Variants in LMLN observed in about 807,000 individuals in gnomAD.
LMLN encodes the protein leishmanolysin like peptidase.
Under a neutral mutation model 92.3 loss-of-function variants are expected in LMLN, and 70 were observed. That is an observed-to-expected ratio of 0.76 (90% CI 0.63 to 0.92). The LOEUF is 0.92. Among genes scored for constraint, LMLN ranks in the 40% least tolerant of loss-of-function variants. LMLN has a pLI of 0.00. For missense variants in LMLN, 691 were observed against 814.6 expected (o/e 0.85, Z 1.85); for synonymous variants, 308 against 296.2 (o/e 1.04, Z -0.41).
rs1178237170 is a variant in LMLN at position 197,960,501 on chromosome 3, G to T, written c.219+61G>T. The T allele has an allele frequency of 7.5e-6, 11 of 1,467,674 alleles. No homozygotes were observed. In the East Asian group the frequency reaches 2.3e-4, roughly 30 times the overall value. 90.9% of individuals were successfully genotyped at this position (1,467,674 alleles called of 1,614,324 possible). A position where few individuals can be genotyped will look rare whatever the true frequency, so the allele number is the denominator to read the frequency against. On this transcript the variant is annotated intron_variant, in intron 1 of 15. Transcript: ENST00000330198. ...GTAAAGTCACCCAGAAGGAGCAGGC[G>T]TAGGAGATAGTGACTGGGAGAAGGT...
At chr3:198,041,420 A>G (rs1036589347) in exon 16 of LMLN, 2 of 152,236 alleles carry the variant, frequency 1.3e-5, no homozygotes, top group Non-Finnish European at 2.9e-5. Flanking sequence ...TGCACAAACT[A>G]CTAAAAATAT....
At chr3:197,996,307 A>G (rs972695031) in intron 10 of LMLN, 25 bp downstream of exon 10, 15 of 1,341,944 alleles carry the variant, frequency 1.1e-5, no homozygotes, top group Non-Finnish European at 1.6e-5. Context: ...AAATTTTCCT[A>G]GACTTTATTT....
intron 14 of LMLN, among the ~76,000 whole-genome samples, chr3:198,033,438 A>G (rs1723129064): frequency 6.8e-6 from 1 of 147,646 alleles, no homozygotes. Context: ...TTTTTTTGAG[A>G]TGGAGTCTCA....
In LMLN at chr3:198,011,444, G is replaced by A. The variant is rs560731485; in HGVS notation, c.1233-7809G>A. Among the ~76,000 whole-genome samples the A allele has an allele frequency of 4.6e-5, 7 of 152,156 alleles. No individual in the cohort carries two copies. In the South Asian group the frequency reaches 1.5e-3, roughly 32 times the overall value. On this transcript the variant is annotated intron_variant, in intron 11 of 15. Coordinates refer to ENST00000330198, the Ensembl canonical transcript of LMLN. ...CAGCTTCATCCATGTCCCTACAAAGGACATGAACTCATCCTTTTTTATGGC... is the reference window on the plus strand; with the variant it reads ...CAGCTTCATCCATGTCCCTACAAAGAACATGAACTCATCCTTTTTTATGGC...
intron 11 of LMLN, among the ~76,000 whole-genome samples, chr3:198,017,119 A>G (rs1722660814): frequency 6.6e-6 from 1 of 152,120 alleles, no homozygotes; most frequent in African/African-American, 2.4e-5. Flanking sequence ...CCTGTCTCAA[A>G]AACAAAAAAT....
intron 1 of LMLN, among the ~76,000 whole-genome samples, chr3:197,970,727 C>T (rs192707225): frequency 2.0e-4 from 31 of 152,296 alleles, no homozygotes; most frequent in African/African-American, 7.5e-4. Context: ...TTTTAAATTA[C>T]ACTTCTAGAT....
intron 5 of LMLN, among the ~76,000 whole-genome samples, chr3:197,978,772 C>T (rs1016158865): frequency 1.3e-5 from 2 of 152,138 alleles, no homozygotes; most frequent in African/African-American, 4.8e-5. Flanking sequence ...GGGCGGATCA[C>T]CTGAGGTCAG....
exon 16 of LMLN, chr3:198,038,859 CT>C (rs200063860): frequency 1.5e-4 from 76 of 492,532 alleles, no homozygotes; most frequent in Admixed American, 4.0e-4. Flanking sequence ...ACCCAACCAC[CT>C]TCATCAGCAA....
intron 11 of LMLN, among the ~76,000 whole-genome samples, chr3:198,017,552 C>T (rs1722673996): frequency 6.6e-6 from 1 of 152,190 alleles, no homozygotes; most frequent in South Asian, 2.1e-4. Context: ...TAGAGCTATA[C>T]TGTCTAATAT....
intron 11 of LMLN, among the ~76,000 whole-genome samples, chr3:198,005,404 T>C (rs1257953739): frequency 6.6e-6 from 1 of 152,106 alleles, no homozygotes; most frequent in Non-Finnish European, 1.5e-5. Context: ...TAGATGCTTA[T>C]GTAAAAGTTT....
chr3:198,020,785 T>G (rs1399307216), intron 12 of LMLN, among the ~76,000 whole-genome samples: 4 of 137,496 alleles, frequency 2.9e-5, no homozygotes, highest in African/African-American at 1.1e-4. Flanking sequence ...TTTTTTTTTT[T>G]TTTTTTTTTT....
chr3:197,963,046 C>T (rs1720948754), intron 1 of LMLN, among the ~76,000 whole-genome samples: 1 of 152,054 alleles, frequency 6.6e-6, no homozygotes, highest in Non-Finnish European at 1.5e-5. Flanking sequence ...TGCATTTACT[C>T]TATAGATGAT....
chr3:197,962,001 T>C (rs1720914644), intron 1 of LMLN, among the ~76,000 whole-genome samples: 1 of 152,144 alleles, frequency 6.6e-6, no homozygotes, highest in South Asian at 2.1e-4. Flanking sequence ...TACTGTTCTT[T>C]TGAAGTTTTT....
At chr3:198,009,682 T>G (rs768748971) in intron 11 of LMLN, among the ~76,000 whole-genome samples, 4 of 152,236 alleles carry the variant, frequency 2.6e-5, no homozygotes, top group African/African-American at 9.6e-5. Flanking sequence ...TCTTATCATC[T>G]GTTTCATAGT....
chr3:197,961,621 A>C (rs1397863274), intron 1 of LMLN, among the ~76,000 whole-genome samples: 2 of 152,176 alleles, frequency 1.3e-5, no homozygotes, highest in Admixed American at 1.3e-4. Context: ...CTAGTTCCTC[A>C]TAGAGTATAT....
At chr3:197,985,426 C>G (rs964495613) in intron 7 of LMLN, among the ~76,000 whole-genome samples, 11 of 150,440 alleles carry the variant, frequency 7.3e-5, no homozygotes, top group Non-Finnish European at 1.5e-4. Context: ...CACACACACA[C>G]AGAGCAAACA....
rs1723080718 is a variant in LMLN at position 198,031,633 on chromosome 3, G to T, written c.1657-4200G>T. Among the ~76,000 whole-genome samples, 1 of 152,156 alleles carries T rather than the reference G, an allele frequency of 6.6e-6. No individual in the cohort carries two copies. Among genetic ancestry groups the T allele is most frequent in the South Asian group, 2.1e-4 (1 of 4,824 alleles). The stretch of plus-strand genomic sequence containing the variant: ...AGCATTTTTCCTTTGTGTGCTGACT[G>T]TCAGTGTCATTCTGAGTTTCAATTG... On this transcript the variant is annotated intron_variant, in intron 14 of 15. Transcript: ENST00000330198. This position sits in a 1 kb window ranked among gnomAD's most constrained non-coding sequence, Gnocchi z 4.8.
At chr3:198,040,019 A>G (rs1723355962) in exon 16 of LMLN, 1 of 152,276 alleles carries the variant, frequency 6.6e-6, no homozygotes, top group Admixed American at 6.5e-5. Context: ...TGAAACAACA[A>G]AAACACAACT....
intron 6 of LMLN, among the ~76,000 whole-genome samples, chr3:197,981,405 T>A (rs1362441578): frequency 6.6e-6 from 1 of 152,162 alleles, no homozygotes; most frequent in Non-Finnish European, 1.5e-5. Context: ...AAGTCCACTG[T>A]CAAGAGAATT....
Sources: gnomAD v4.1 joint callset for allele counts (sites outside exome capture counted in the v4.1 genomes callset) on GRCh38, gnomAD v4.1.1 for gene constraint, Gnocchi (gnomAD v3.1) non-coding constraint, MANE v1.5 for transcripts, NCBI Gene and HGNC (gene_info 2026-07-23, HGNC 2026-07-21) for gene names.